The following YWHAB variants were observed in gnomAD, a reference collection of about 807,000 sequenced individuals.
YWHAB encodes 14-3-3 protein beta/alpha.
A neutral mutation model predicts 28.5 loss-of-function variants in YWHAB; 2 were observed. The ratio of observed to expected loss-of-function variants is 0.07; its 90% confidence interval spans 0.03 to 0.22. The LOEUF (loss-of-function observed/expected upper bound fraction) is 0.22, where lower values mean the gene tolerates loss of function less well. Among genes scored for constraint, YWHAB ranks in the 10% least tolerant of loss-of-function variants. YWHAB has a pLI of 1.00. For missense variants in YWHAB, 148 were observed against 297.1 expected (o/e 0.50, Z 3.69); for synonymous variants, 103 against 104.7 (o/e 0.98, Z 0.10).
intron 1 of YWHAB, among the ~76,000 whole-genome samples, chr20:44,899,599 A>G (rs960122180): frequency 6.6e-6 from 1 of 152,250 alleles, no homozygotes; most frequent in South Asian, 2.1e-4. Context: ...ACAGATTGAT[A>G]TATCAATATT....
rs1489255503 is a variant in YWHAB, at chr20:44,908,289, TCTTG to T, written c.*1855_*1858del. 1 of 152,634 alleles carries T rather than the reference TCTTG, an allele frequency of 6.6e-6. No individual in the cohort carries two copies. Among genetic ancestry groups the T allele is most frequent in the African/African-American group, 2.4e-5 (1 of 41,450 alleles). 9.5% of individuals were successfully genotyped at this position (152,634 alleles called of 1,614,324 possible). ...CTGTCTGTATATCTGGTAGCTCTTTTCTTGCTTTGTTTTTTCTTACCAGTATTCT... is the reference window on the plus strand; with the variant it reads ...CTGTCTGTATATCTGGTAGCTCTTTTCTTTGTTTTTTCTTACCAGTATTCT... On this transcript the variant is annotated 3_prime_UTR_variant, in exon 6 of 6. Transcript: ENST00000353703.
chr20:44,887,470 C>G (rs2066535208), intron 1 of YWHAB: 1 of 152,170 alleles, frequency 6.6e-6, no homozygotes, highest in Non-Finnish European at 1.5e-5. Context: ...TCATCAGTAG[C>G]AAATATTTAT....
intron 1 of YWHAB, among the ~76,000 whole-genome samples, chr20:44,894,234 T>G (rs1372083687): frequency 2.0e-5 from 3 of 152,192 alleles, no homozygotes; most frequent in Non-Finnish European, 2.9e-5. Flanking sequence ...ATCTCTTGGC[T>G]TACTGCAGGG....
At chr20:44,897,345 A>T (rs2066601670) in intron 1 of YWHAB, among the ~76,000 whole-genome samples, 1 of 152,190 alleles carries the variant, frequency 6.6e-6, no homozygotes, top group African/African-American at 2.4e-5. Flanking sequence ...GGAGTAATCC[A>T]CAGGTAGAGT....
chr20:44,888,560 A>G (rs2284266), intron 1 of YWHAB, among the ~76,000 whole-genome samples: 50,201 of 152,142 alleles, frequency 0.33, 9,254 homozygotes, highest in African/African-American at 0.49. Flanking sequence ...CAGCACATGT[A>G]TATGTTTTAT....
chr20:44,900,079 CAGTT>C (rs983586153), intron 1 of YWHAB, among the ~76,000 whole-genome samples: 5 of 151,518 alleles, frequency 3.3e-5, no homozygotes, highest in African/African-American at 4.9e-5. Flanking sequence ...ACAGGGGTCT[CAGTT>C]GGTTGCCCAG....
At position 44,906,460 on chromosome 20, in the gene YWHAB, T is replaced by C. The variant is rs6876; in HGVS notation, c.*22T>C. The C allele has an allele frequency of 0.1, 162,348 of 1,604,172 alleles. 9,518 individuals carry two copies. Among genetic ancestry groups the C allele is most frequent in the Middle Eastern group, 0.12 (621 of 5,060 alleles). On this transcript the variant is annotated 3_prime_UTR_variant, in exon 6 of 6. Coordinates refer to ENST00000353703, the MANE Select transcript of YWHAB (RefSeq NM_139323.4). ...CTAATGTTTCTCGTGCTTTGTGATCTGTTCAGTGTCACTCTGTACCCTCAA... is the reference window on the plus strand; with the variant it reads ...CTAATGTTTCTCGTGCTTTGTGATCCGTTCAGTGTCACTCTGTACCCTCAA...
At chr20:44,903,762 G>T in intron 2 of YWHAB, 1 of 411,706 alleles carries the variant, frequency 2.4e-6, no homozygotes. Context: ...TCATTATATG[G>T]CTATACTTTA....
At chr20:44,898,364 A>G (rs2066607578) in intron 1 of YWHAB, among the ~76,000 whole-genome samples, 1 of 152,160 alleles carries the variant, frequency 6.6e-6, no homozygotes, top group African/African-American at 2.4e-5. Context: ...TTTCTGAATC[A>G]CCTAGATTTT....
chr20:44,901,359 A>T (rs2066625324), intron 1 of YWHAB, among the ~76,000 whole-genome samples, 172 bp from the exon 2 acceptor site: 1 of 152,218 alleles, frequency 6.6e-6, no homozygotes. Context: ...TTAGCAAAGT[A>T]CTTAACCCTA....
intron 1 of YWHAB, among the ~76,000 whole-genome samples, chr20:44,899,538 A>G (rs2066614768): frequency 6.6e-6 from 1 of 152,200 alleles, no homozygotes; most frequent in South Asian, 2.1e-4. Context: ...TTAAAGTAGC[A>G]TTTCATGTTT....
chr20:44,893,015 T>G (rs537979684), intron 1 of YWHAB, among the ~76,000 whole-genome samples: 1 of 152,374 alleles, frequency 6.6e-6, no homozygotes, highest in Admixed American at 6.5e-5. Flanking sequence ...CCAGTGCTTC[T>G]AAAGGCCACA....
At chr20:44,901,450 G>C (rs2066625857) in intron 1 of YWHAB, 81 bp from the exon 2 acceptor site, 5 of 1,385,120 alleles carry the variant, frequency 3.6e-6, no homozygotes, top group Non-Finnish European at 4.9e-6. Flanking sequence ...TTTCCAGATG[G>C]GTTGGAAGAA....
rs2066658268 is a variant in YWHAB at position 44,906,577 on chromosome 20, A to G, written c.*139A>G. The G allele has an allele frequency of 3.0e-6, 2 of 672,780 alleles. No homozygotes were observed. The highest frequency in any genetic ancestry group is 4.6e-6 in the Non-Finnish European group (2 of 431,796). The allele number at this position is 672,780 out of a possible 1,614,324, so 41.7% of individuals were successfully genotyped here. Reference sequence around the variant, plus strand: ...TTTTCACAGCCTCAGCCTAGGAAAAATGGTTCATGGGATAAACAGCTGGTA... The same window carrying G: ...TTTTCACAGCCTCAGCCTAGGAAAAGTGGTTCATGGGATAAACAGCTGGTA... On this transcript the variant is annotated 3_prime_UTR_variant, in exon 6 of 6. Coordinates refer to ENST00000353703, the MANE Select transcript of YWHAB (RefSeq NM_139323.4).
chr20:44,903,837 C>T lies in YWHAB; in HGVS notation c.301-156C>T, dbSNP rs1045996560. 1.2e-5 allele frequency: 9 copies of T among 776,332 alleles called. No individual in the cohort carries two copies. In the African/African-American group the frequency reaches 1.6e-4, roughly 14 times the overall value. 48.1% of individuals were successfully genotyped at this position (776,332 alleles called of 1,614,324 possible). A position where few individuals can be genotyped will look rare whatever the true frequency, so the allele number is the denominator to read the frequency against. On this transcript the variant is annotated intron_variant, in intron 2 of 5. Transcript: ENST00000353703. The stretch of plus-strand genomic sequence containing the variant: ...GAATACAGGCATCTGCTGTTATGAC[C>T]TGGGCTAAACAACATTTAGTAGCTT...
intron 2 of YWHAB, chr20:44,903,576 A>G (rs1331961420): frequency 6.4e-6 from 1 of 155,718 alleles, no homozygotes; most frequent in Non-Finnish European, 1.4e-5. Context: ...CATTATTAAC[A>G]TACTCCTTCC....
rs926447204 is a variant in YWHAB, at chr20:44,885,747, G to C, written c.-143G>C. ...CACCGCCGCCGCCGATTCCGGAGCC[G>C]GGGTAGTCGCCGCCGCCGCCGCCGC... On this transcript the variant is annotated 5_prime_UTR_variant, in exon 1 of 6. Coordinates refer to ENST00000353703, the MANE Select transcript of YWHAB (RefSeq NM_139323.4). The C allele has an allele frequency of 5.9e-6, 1 of 168,898 alleles. No individual in the cohort carries two copies. The highest frequency in any genetic ancestry group is 1.2e-5 in the Non-Finnish European group (1 of 84,886). The allele number at this position is 168,898 out of a possible 1,614,324, so 10.5% of individuals were successfully genotyped here. A position where few individuals can be genotyped will look rare whatever the true frequency, so the allele number is the denominator to read the frequency against.
At chr20:44,904,648 G>T (rs2066646303) in intron 3 of YWHAB, among the ~76,000 whole-genome samples, 1 of 152,082 alleles carries the variant, frequency 6.6e-6, no homozygotes. Flanking sequence ...TTAAAGTTTG[G>T]ATCTATCGAC....
chr20:44,904,476 A>G (rs2066645158), intron 3 of YWHAB, among the ~76,000 whole-genome samples: 1 of 151,534 alleles, frequency 6.6e-6, no homozygotes, highest in Non-Finnish European at 1.5e-5. Flanking sequence ...AATCTTAACC[A>G]CACTTTATTA....
Sources: gnomAD v4.1 joint callset for allele counts (sites outside exome capture counted in the v4.1 genomes callset) on GRCh38, gnomAD v4.1.1 for gene constraint, MANE v1.5 for transcripts, NCBI Gene and HGNC (gene_info 2026-07-23, HGNC 2026-07-21) for gene names.